The following DUT variants were observed in gnomAD, a reference collection of about 807,000 sequenced individuals.
DUT encodes the protein deoxyuridine triphosphatase.
Under a neutral mutation model 28.8 loss-of-function variants are expected in DUT, and 21 were observed. The observed-to-expected ratio is 0.73, with a 90% CI of 0.52 to 1.05. The LOEUF (loss-of-function observed/expected upper bound fraction) is 1.05. Ranked by LOEUF, DUT falls within the 50% of genes least tolerant of loss-of-function variation. DUT has a pLI of 0.00. For missense variants in DUT, 344 were observed against 351.8 expected (o/e 0.98, Z 0.18); for synonymous variants, 147 against 143.7 (o/e 1.02, Z -0.17).
chr15:48,334,060 A>C (rs756702181), intron 2 of DUT, among the ~76,000 whole-genome samples: 1 of 151,992 alleles, frequency 6.6e-6, no homozygotes, highest in Non-Finnish European at 1.5e-5. Flanking sequence ...TAAAGCATCC[A>C]CCTTTTGAAA....
Position 48,332,368 on chromosome 15 carries a change from C to G in DUT, c.381C>G (p.Thr127=). 6.3e-7 allele frequency: 1 copy of G among 1,592,518 alleles called. No individual in the cohort carries two copies. Among genetic ancestry groups the G allele is most frequent in the South Asian group, 1.1e-5 (1 of 89,066 alleles). The change falls in exon 2 of 7, where the codon ACC becomes ACG. Residue 127 remains threonine, a synonymous_variant. Coordinates refer to ENST00000331200, the MANE Select transcript of DUT (RefSeq NM_001025248.2). ...TCTCCGAGCACGCCACGGCCCCCAC[C>G]CGGGGCTCCGCGCGCGCCGCGGGCT... The part of the protein sequence containing the change: ...ARLSEHATAP[T]RGSARAAGYD...
Position 48,342,218 on chromosome 15 carries a change from T to C in DUT, c.*140T>C. The C allele has an allele frequency of 4.8e-6, 2 of 419,416 alleles. No homozygotes were observed. The highest frequency in any genetic ancestry group is 4.2e-6 in the Non-Finnish European group (1 of 239,490). The allele number at this position is 419,416 out of a possible 1,614,324, so 26.0% of individuals were successfully genotyped here. On this transcript the variant is annotated 3_prime_UTR_variant, in exon 7 of 7. Transcript: ENST00000331200. ...CTTCTAAAAGTACTGCATTTTTTAC[T>C]TTTTTTTATGATCAAGGAAAAGATC... is the stretch of plus-strand genomic sequence containing the variant.
At chr15:48,332,652 C>T in intron 2 of DUT, 1 of 676,376 alleles carries the variant, frequency 1.5e-6, no homozygotes, top group Non-Finnish European at 2.7e-6. Flanking sequence ...TTTATTGTGC[C>T]CTTCCTAAAT....
At chr15:48,334,647 A>G (rs569592812) in intron 3 of DUT, 139 bp downstream of exon 3, 1 of 544,068 alleles carries the variant, frequency 1.8e-6, no homozygotes, top group Non-Finnish European at 3.3e-6. Flanking sequence ...TAGCAAATGC[A>G]CTCTTTGAAA....
At chr15:48,332,518 C>A (rs1364537062) in intron 2 of DUT, 112 bp downstream of exon 2, 1 of 1,020,610 alleles carries the variant, frequency 9.8e-7, no homozygotes, top group East Asian at 2.6e-5. Flanking sequence ...AATAGGATTT[C>A]TGCCTTTTTC....
At chr15:48,332,164 T>A in intron 1 of DUT, 104 bp from the exon 2 acceptor site, 5 of 1,442,748 alleles carry the variant, frequency 3.5e-6, no homozygotes, top group East Asian at 2.7e-5. Context: ...GGCGGGAAAT[T>A]TCGGTTTTGG....
At chr15:48,333,622 A>C (rs2042442956) in intron 2 of DUT, among the ~76,000 whole-genome samples, 1 of 152,178 alleles carries the variant, frequency 6.6e-6, no homozygotes, top group Admixed American at 6.5e-5. Flanking sequence ...CTCATTGTAA[A>C]ATCTCTTAAA....
upstream of DUT, chr15:48,331,388 G>A: frequency 6.7e-7 from 1 of 1,485,588 alleles, no homozygotes; most frequent in Non-Finnish European, 8.9e-7. Flanking sequence ...GCCTCTCCAC[G>A]CCCCTCGTCC....
At chr15:48,333,741 G>A (rs3784619) in intron 2 of DUT, among the ~76,000 whole-genome samples, 121,481 of 152,166 alleles carry the variant, frequency 0.8, 48,788 homozygotes, top group Non-Finnish European at 0.84. Flanking sequence ...GGCCGTTCAC[G>A]GTGATCAGCT....
At chr15:48,332,442 G>A in intron 2 of DUT, 36 bp downstream of exon 2, 9 of 1,493,364 alleles carry the variant, frequency 6.0e-6, no homozygotes, top group Admixed American at 5.1e-5. Context: ...GGCTGGGAAG[G>A]GCCGGCCGTC....
At position 48,332,072 on chromosome 15, in the gene DUT, A is replaced by G. The variant is rs952024014; in HGVS notation, c.281-196A>G. The G allele has an allele frequency of 5.2e-5, 66 of 1,274,128 alleles. No homozygotes were observed. In the African/African-American group the frequency reaches 9.8e-4, roughly 19 times the overall value. 78.9% of individuals were successfully genotyped at this position (1,274,128 alleles called of 1,614,324 possible). On this transcript the variant is annotated intron_variant, in intron 1 of 6. Coordinates refer to ENST00000331200, the MANE Select transcript of DUT (RefSeq NM_001025248.2). The stretch of plus-strand genomic sequence containing the variant: ...AACCTGCTTTCCGAGAAGGGCTTCA[A>G]ACCCAAAATGTGAATCCCGCCTCCC...
chr15:48,331,102 C>A (rs2141153756), upstream of DUT: 8 of 1,439,272 alleles, frequency 5.6e-6, no homozygotes, highest in Admixed American at 2.8e-5. Flanking sequence ...GGCGCAATAA[C>A]TGTCACCGGC....
At chr15:48,332,121 G>A (rs1030794221) in intron 1 of DUT, 147 bp from the exon 2 acceptor site, 15 of 1,397,570 alleles carry the variant, frequency 1.1e-5, no homozygotes, top group Non-Finnish European at 1.4e-5. Flanking sequence ...CTGTGGACTC[G>A]TCCCGGGGAG....
At chr15:48,338,719 A>T (rs545635637) in intron 4 of DUT, among the ~76,000 whole-genome samples, 52 of 152,336 alleles carry the variant, frequency 3.4e-4, no homozygotes, top group Middle Eastern at 3.4e-3. Context: ...CTTTTTTGCA[A>T]CCTATTTGAT....
chr15:48,338,296 G>A (rs2042495665), intron 4 of DUT, among the ~76,000 whole-genome samples: 1 of 151,856 alleles, frequency 6.6e-6, no homozygotes, highest in African/African-American at 2.4e-5. Context: ...CATTTTCGTG[G>A]CCCAAGCATA....
In DUT at chr15:48,334,293, G is replaced by C. The variant is rs541346287; in HGVS notation, c.420-124G>C. Reference sequence around the variant, plus strand: ...ATTCATCATAGCAAGGTTGATTTTAGAAACTAAAGTTGCATTAATTCATTA... The same window carrying C: ...ATTCATCATAGCAAGGTTGATTTTACAAACTAAAGTTGCATTAATTCATTA... On this transcript the variant is annotated intron_variant, in intron 2 of 6. Transcript: ENST00000331200. 3.4e-4 allele frequency: 187 copies of C among 551,832 alleles called. 1 individual carries two copies. Among genetic ancestry groups the C allele is most frequent in the Non-Finnish European group, 4.5e-4 (150 of 331,566 alleles). 34.2% of individuals were successfully genotyped at this position (551,832 alleles called of 1,614,324 possible). A position where few individuals can be genotyped will look rare whatever the true frequency, so the allele number is the denominator to read the frequency against.
In DUT at chr15:48,342,602, ACTT is replaced by A. The variant is rs954048680; in HGVS notation, c.*528_*530del. Reference sequence around the variant, plus strand: ...TTCCCTTCTCTTCACTAGTCTAAAAACTTCTTTTTAATCTTAAGATTCTTTGTG... The same window carrying A: ...TTCCCTTCTCTTCACTAGTCTAAAAACTTTTTAATCTTAAGATTCTTTGTG... On this transcript the variant is annotated 3_prime_UTR_variant, in exon 7 of 7. Transcript: ENST00000331200. 4 of 152,142 alleles carry A rather than the reference ACTT, an allele frequency of 2.6e-5. No individual in the cohort carries two copies. Among genetic ancestry groups the A allele is most frequent in the Non-Finnish European group, 5.9e-5 (4 of 68,034 alleles). 9.4% of individuals were successfully genotyped at this position (152,142 alleles called of 1,614,324 possible).
At chr15:48,337,967 T>G (rs1476274107) in intron 4 of DUT, among the ~76,000 whole-genome samples, 1 of 152,214 alleles carries the variant, frequency 6.6e-6, no homozygotes, top group Non-Finnish European at 1.5e-5. Context: ...CATGCCAAAC[T>G]CTTGACACAG....
upstream of DUT, chr15:48,331,391 C>A (rs1464331398): frequency 4.0e-6 from 6 of 1,494,252 alleles, no homozygotes; most frequent in African/African-American, 8.5e-5. Flanking sequence ...TCTCCACGCC[C>A]CTCGTCCGGC....
Sources: gnomAD v4.1 joint callset for allele counts (sites outside exome capture counted in the v4.1 genomes callset) on GRCh38, gnomAD v4.1.1 for gene constraint, MANE v1.5 for transcripts, NCBI Gene and HGNC (gene_info 2026-07-23, HGNC 2026-07-21) for gene names.